VSIG1: variants seen among roughly 807,000 people sequenced by gnomAD.
VSIG1 encodes V-set and immunoglobulin domain-containing protein 1.
A neutral mutation model predicts 20.1 loss-of-function variants in VSIG1; 11 were observed. The observed-to-expected ratio is 0.55, with a 90% CI of 0.34 to 0.91. The LOEUF (loss-of-function observed/expected upper bound fraction) is 0.91. Ranked by LOEUF, VSIG1 falls within the 40% of genes least tolerant of loss-of-function variation. VSIG1 has a pLI of 0.02. For synonymous variants in VSIG1, 126 were observed against 116.7 expected, an observed-to-expected ratio of 1.08 and a Z score of -0.52; for missense variants, 283 against 298.8, an observed-to-expected ratio of 0.95 and a Z score of 0.39.
At chrX:108,062,171 G>C (rs1407421500) in intron 2 of VSIG1, among the ~76,000 whole-genome samples, 1 of 111,139 alleles carries the variant, frequency 9.0e-6, no homozygotes, top group Non-Finnish European at 1.9e-5. Flanking sequence ...GACCCCACCT[G>C]TCCCTGAACA....
chrX:108,069,981 G>A (rs938867404), intron 3 of VSIG1, among the ~76,000 whole-genome samples: 2 of 112,052 alleles, frequency 1.8e-5, no homozygotes, highest in African/African-American at 3.2e-5. Flanking sequence ...CACAGTTTAG[G>A]TGAAGGAAAC....
rs537943413 is a variant in VSIG1, at chrX:108,054,204, A to G, written c.50-3834A>G. On this transcript the variant is annotated intron_variant, in intron 1 of 6. Coordinates refer to ENST00000217957, the MANE Select transcript of VSIG1 (RefSeq NM_182607.5). Reference sequence around the variant, plus strand: ...ACATTACCTAATGATAAATGGATCAATCCAGCAGGAGGATACAATGATCCT... The same window carrying G: ...ACATTACCTAATGATAAATGGATCAGTCCAGCAGGAGGATACAATGATCCT... Among the ~76,000 whole-genome samples the G allele has an allele frequency of 2.1e-4, 23 of 112,180 alleles. No individual in the cohort carries two copies. In the South Asian group the frequency reaches 8.6e-3, roughly 42 times the overall value.
upstream of VSIG1, among the ~76,000 whole-genome samples, chrX:108,041,553 CGT>C (rs371173365): frequency 0.044 from 4,340 of 98,199 alleles, 35 homozygotes; most frequent in African/African-American, 0.081. Flanking sequence ...TAAAAAACCT[CGT>C]GTGTGTGTGT....
chrX:108,060,252 A>G (rs2030994457), intron 2 of VSIG1, among the ~76,000 whole-genome samples: 1 of 111,800 alleles, frequency 8.9e-6, no homozygotes, highest in African/African-American at 3.3e-5. Context: ...GTGATTTAAG[A>G]TATATACTCT....
chrX:108,025,545 A>G, the VSIG1 span, among the ~76,000 whole-genome samples: 2 of 112,515 alleles, frequency 1.8e-5, no homozygotes, highest in African/African-American at 6.4e-5. Flanking sequence ...TCTCAACCAC[A>G]TACAAATATA....
chrX:108,023,422 G>T, the VSIG1 span, among the ~76,000 whole-genome samples: 2 of 112,010 alleles, frequency 1.8e-5, no homozygotes, highest in African/African-American at 6.5e-5. Flanking sequence ...TTCTTGTGAT[G>T]TCTTTGACTT....
the VSIG1 span, among the ~76,000 whole-genome samples, chrX:108,035,872 T>A: frequency 9.3e-6 from 1 of 108,099 alleles, no homozygotes; most frequent in Admixed American, 1.0e-4. Flanking sequence ...GGCATGGGCT[T>A]TGGAGCCGTC....
chrX:108,061,132 G>A (rs902953632), intron 2 of VSIG1, among the ~76,000 whole-genome samples: 7 of 112,690 alleles, frequency 6.2e-5, no homozygotes, highest in Admixed American at 1.9e-4. Context: ...GACATCCTGT[G>A]TTGAGGTGGT....
chrX:108,044,947 A>C (rs2030538032), upstream of VSIG1: 1 of 310,496 alleles, frequency 3.2e-6, no homozygotes, highest in Non-Finnish European at 5.6e-6. Context: ...AGTGTTTCAA[A>C]GAAACACAAA....
At chrX:108,036,166 TG>T in the VSIG1 span, among the ~76,000 whole-genome samples, 1 of 104,128 alleles carries the variant, frequency 9.6e-6, no homozygotes, top group Non-Finnish European at 2.0e-5. Context: ...TCCAAAAGGA[TG>T]TCTGTTTTTT....
intron 1 of VSIG1, 43 bp downstream of exon 1, chrX:108,045,222 G>C: frequency 9.3e-7 from 1 of 1,076,394 alleles, no homozygotes; most frequent in Non-Finnish European, 1.3e-6. Context: ...ATTGGAAACA[G>C]AGTTTCCTTT....
intron 6 of VSIG1, among the ~76,000 whole-genome samples, chrX:108,076,658 A>AT (rs1328687250): frequency 1.8e-5 from 2 of 110,856 alleles, no homozygotes; most frequent in African/African-American, 6.6e-5. Flanking sequence ...TCACTCATTC[A>AT]TTTTTTTTCA....
chrX:108,076,404 T>C (rs1312893177), intron 6 of VSIG1, among the ~76,000 whole-genome samples, 186 bp downstream of exon 6: 1 of 112,388 alleles, frequency 8.9e-6, no homozygotes, highest in Non-Finnish European at 1.9e-5. Context: ...CCAGGCTCTG[T>C]TCTAAGCACT....
the VSIG1 span, among the ~76,000 whole-genome samples, chrX:108,025,977 C>T: frequency 2.7e-5 from 3 of 112,568 alleles, no homozygotes; most frequent in African/African-American, 9.7e-5. Flanking sequence ...TATGTCTTAC[C>T]TTAATGGTTT....
rs1160313148 is a variant in VSIG1, at chrX:108,078,733, T to C, written c.*1352T>C. On this transcript the variant is annotated 3_prime_UTR_variant, in exon 7 of 7. Coordinates refer to ENST00000217957, the MANE Select transcript of VSIG1 (RefSeq NM_182607.5). The stretch of plus-strand genomic sequence containing the variant: ...TTGATATCATAGGTGATGTACAATT[T>C]AGTTTTGAATGAGTTATTATGTTAT... The C allele has an allele frequency of 8.9e-6, 1 of 112,836 alleles. No homozygotes were observed. The highest frequency in any genetic ancestry group is 3.2e-5 in the African/African-American group (1 of 31,060). 9.3% of individuals were successfully genotyped at this position (112,836 alleles called of 1,213,427 possible).
Position 108,077,536 on chromosome X carries a change from C to A in VSIG1, c.*155C>A. On this transcript the variant is annotated 3_prime_UTR_variant, in exon 7 of 7. Transcript: ENST00000217957. Reference sequence around the variant, plus strand: ...TACTATGAATCCAGAATAAACACGCCAAGATAACAGCTAAATCAGCAAGGG... The same window carrying A: ...TACTATGAATCCAGAATAAACACGCAAAGATAACAGCTAAATCAGCAAGGG... 1 of 606,085 alleles carries A rather than the reference C, an allele frequency of 1.6e-6. No homozygotes were observed. The allele number at this position is 606,085 out of a possible 1,213,427, so 49.9% of individuals were successfully genotyped here. A position where few individuals can be genotyped will look rare whatever the true frequency, so the allele number is the denominator to read the frequency against.
At chrX:108,044,311 G>A (rs73251773), upstream of VSIG1, among the ~76,000 whole-genome samples, 5,476 of 111,342 alleles carry the variant, frequency 0.049, 121 homozygotes, top group East Asian at 0.096. Flanking sequence ...CCTTACCTGT[G>A]GAGCCTCCCA....
rs925352727 is a variant in VSIG1 at position 108,078,763 on chromosome X, G to T, written c.*1382G>T. On this transcript the variant is annotated 3_prime_UTR_variant, in exon 7 of 7. Transcript: ENST00000217957. ...TTGAATGAGTTATTATGTTATCACT[G>T]TGTCTGATGTTATCTACTTTGAAAG... 7 of 112,348 alleles carry T rather than the reference G, an allele frequency of 6.2e-5. No homozygotes were observed. Among genetic ancestry groups the T allele is most frequent in the African/African-American group, 2.3e-4 (7 of 30,878 alleles). 9.3% of individuals were successfully genotyped at this position (112,348 alleles called of 1,213,427 possible).
chrX:108,028,501 C>CT, the VSIG1 span, among the ~76,000 whole-genome samples: 1 of 111,021 alleles, frequency 9.0e-6, no homozygotes, highest in African/African-American at 3.3e-5. Flanking sequence ...AATTGTAAGT[C>CT]TTTGAGATTA....
Sources: allele counts gnomAD v4.1 joint callset (sites outside exome capture counted in the v4.1 genomes callset), GRCh38; gene constraint gnomAD v4.1.1; transcripts MANE v1.5; gene names NCBI Gene and HGNC (gene_info 2026-07-23, HGNC 2026-07-21).